Variants in COL4A3 observed in about 807,000 individuals in gnomAD.
COL4A3 encodes collagen type IV alpha 3 chain, also known as collagen alpha-3(IV) chain.
In COL4A3, 135 loss-of-function variants were observed where a neutral mutation model predicts 217.4. The observed-to-expected ratio is 0.62, with a 90% confidence interval of 0.54 to 0.72. COL4A3 has a LOEUF of 0.72. Ranked by LOEUF, COL4A3 falls within the 30% of genes least tolerant of loss-of-function variation. COL4A3 has a pLI of 0.00. For missense variants in COL4A3, 1,868 were observed against 2,119.9 expected (o/e 0.88, Z 2.33); for synonymous variants, 690 against 736.3 (o/e 0.94, Z 1.02).
chr2:227,237,556 T>A (rs564431420), intron 1 of COL4A3, among the ~76,000 whole-genome samples: 1 of 152,298 alleles, frequency 6.6e-6, no homozygotes, highest in South Asian at 2.1e-4. Context: ...TTGCCAGTAT[T>A]TGACCACTTT....
rs756231749 is a variant in COL4A3 at position 227,310,845 on chromosome 2, C to T, written c.4825C>T (p.Arg1609Ter). The T allele has an allele frequency of 6.8e-6, 11 of 1,614,012 alleles. No individual in the cohort carries two copies. Among genetic ancestry groups the T allele is most frequent in the Admixed American group, 5.0e-5 (3 of 59,994 alleles). The change falls in exon 51 of 52, where the codon CGA becomes TGA. Residue 1609 changes from arginine (R) to a stop codon, truncating the protein, a stop_gained. Coordinates refer to ENST00000396578, the MANE Select transcript of COL4A3 (RefSeq NM_000091.5). LOFTEE classifies it high-confidence loss of function. ...ASPGSCLEEF[R>*]ASPFLECHGR... is the part of the protein sequence containing the mutation. ...CCCTGGCTCCTGCCTGGAAGAATTCCGAGCCAGCCCATTTCTAGAATGTCA... is the reference window on the plus strand; with the variant it reads ...CCCTGGCTCCTGCCTGGAAGAATTCTGAGCCAGCCCATTTCTAGAATGTCA...
At chr2:227,264,090 A>G in intron 21 of COL4A3, 146 bp downstream of exon 21, 1 of 901,826 alleles carries the variant, frequency 1.1e-6, no homozygotes, top group Non-Finnish European at 1.8e-6. Flanking sequence ...CATTTCACTA[A>G]CTGTCTGTGA....
At chr2:227,230,278 G>A (rs13000521) in intron 1 of COL4A3, among the ~76,000 whole-genome samples, 20,756 of 152,128 alleles carry the variant, frequency 0.14, 1,746 homozygotes, top group South Asian at 0.37. Context: ...ATTTCCACAA[G>A]TTTAACTACT....
intron 20 of COL4A3, among the ~76,000 whole-genome samples, chr2:227,261,520 A>G (rs7592905): frequency 0.1 from 15,826 of 152,230 alleles, 1,621 homozygotes; most frequent in African/African-American, 0.27. Flanking sequence ...GTGAGACTCT[A>G]TCTCAAAATA....
At chr2:227,258,514 G>C (rs965217739) in intron 18 of COL4A3, among the ~76,000 whole-genome samples, 1 of 152,196 alleles carries the variant, frequency 6.6e-6, no homozygotes, top group African/African-American at 2.4e-5. Flanking sequence ...CAGTTCTAGA[G>C]GCTGGGAAGT....
At chr2:227,295,691 C>T (rs1022501720) in intron 41 of COL4A3, among the ~76,000 whole-genome samples, 6 of 152,222 alleles carry the variant, frequency 3.9e-5, no homozygotes, top group South Asian at 2.1e-4. Flanking sequence ...AGGAGTAATC[C>T]GAATCCTTTC....
At chr2:227,277,373 A>G in intron 27 of COL4A3, 76 bp from the exon 28 acceptor site, 1 of 916,606 alleles carries the variant, frequency 1.1e-6, no homozygotes. Context: ...GACACAGAGA[A>G]CTTAGACATT....
rs2066235693 is a variant in COL4A3, at chr2:227,191,446, A to G, written c.87+26633A>G. 6.6e-6 allele frequency among the ~76,000 whole-genome samples: 1 copy of G among 152,328 alleles called. No homozygotes were observed. The highest frequency in any genetic ancestry group is 2.1e-4 in the South Asian group (1 of 4,824). On this transcript the variant is annotated intron_variant, in intron 1 of 51. Transcript: ENST00000396578. The surrounding 1 kb of genome is among the most constrained non-coding windows in gnomAD (Gnocchi z 6.8). ...AAGTGTTTTGAAAAGCAGTTCACAAAATCACTCTTTACCAGCCACATACAA... is the reference window on the plus strand; with the variant it reads ...AAGTGTTTTGAAAAGCAGTTCACAAGATCACTCTTTACCAGCCACATACAA...
chr2:227,174,811 G>A (rs1328737705), intron 1 of COL4A3, among the ~76,000 whole-genome samples: 1 of 152,084 alleles, frequency 6.6e-6, no homozygotes, highest in South Asian at 2.1e-4. Context: ...CCGGCCTAGC[G>A]ACTATTATTT....
At chr2:227,296,546 G>T (rs1000336808) in intron 41 of COL4A3, 1 of 958,840 alleles carries the variant, frequency 1.0e-6, no homozygotes, top group Non-Finnish European at 1.2e-6. Context: ...CTTTTAATTA[G>T]TTTATTCTCC....
At chr2:227,222,173 AT>A (rs199788348) in intron 1 of COL4A3, among the ~76,000 whole-genome samples, 3,414 of 86,282 alleles carry the variant, frequency 0.04, 62 homozygotes, top group African/African-American at 0.061. Context: ...AATGATAATG[AT>A]AATAAAAAGC....
At chr2:227,176,661 C>G (rs1577030350) in intron 1 of COL4A3, among the ~76,000 whole-genome samples, 1 of 152,212 alleles carries the variant, frequency 6.6e-6, no homozygotes, top group African/African-American at 2.4e-5. Context: ...AGAGATTTGT[C>G]GTTATGTAGA....
chr2:227,215,737 G>T (rs995295832), intron 1 of COL4A3, among the ~76,000 whole-genome samples: 40 of 152,122 alleles, frequency 2.6e-4, no homozygotes, highest in African/African-American at 9.2e-4. Flanking sequence ...GGGATTACAG[G>T]GGTGAGCCAC....
At chr2:227,288,971 G>C (rs755204652) in intron 34 of COL4A3, among the ~76,000 whole-genome samples, 179 bp from the exon 35 acceptor site, 9 of 119,890 alleles carry the variant, frequency 7.5e-5, no homozygotes, top group African/African-American at 1.0e-4. Context: ...TTTTTTTTGA[G>C]ATGGAGTCTC....
At chr2:227,304,881 C>T (rs1559919719) in intron 46 of COL4A3, 104 bp from the exon 47 acceptor site, 7 of 945,246 alleles carry the variant, frequency 7.4e-6, no homozygotes, top group Admixed American at 6.0e-5. Flanking sequence ...GGATGCAGGA[C>T]TTTCATTCCT....
chr2:227,304,280 G>A, intron 46 of COL4A3, 136 bp downstream of exon 46: 1 of 1,163,868 alleles, frequency 8.6e-7, no homozygotes, highest in East Asian at 2.5e-5. Context: ...TCAGTCTTAG[G>A]ATTGAGCTCA....
intron 1 of COL4A3, among the ~76,000 whole-genome samples, chr2:227,219,704 T>TA (rs1393921856): frequency 2.0e-5 from 3 of 152,244 alleles, no homozygotes; most frequent in Non-Finnish European, 4.4e-5. Context: ...AGCACTCTTG[T>TA]ATCCTTGACA....
intron 1 of COL4A3, among the ~76,000 whole-genome samples, chr2:227,186,455 C>A (rs2066036730): frequency 6.6e-6 from 1 of 152,142 alleles, no homozygotes; most frequent in Non-Finnish European, 1.5e-5. Context: ...TCTCCCGAGG[C>A]CAGGCTAGTG....
chr2:227,310,725 T>C (rs775618827), intron 50 of COL4A3, 51 bp from the exon 51 acceptor site: 3 of 1,530,782 alleles, frequency 2.0e-6, no homozygotes, highest in African/African-American at 2.7e-5. Context: ...GAATTGAAAA[T>C]TTGAACCCCA....
Sources: allele counts gnomAD v4.1 joint callset (sites outside exome capture counted in the v4.1 genomes callset), GRCh38; gene constraint gnomAD v4.1.1; non-coding constraint Gnocchi (gnomAD v3.1); transcripts MANE v1.5; gene names NCBI Gene and HGNC (gene_info 2026-07-23, HGNC 2026-07-21).